Variants in ZNF813 observed in about 807,000 individuals in gnomAD.
The protein encoded by ZNF813 is zinc finger protein 813.
Under a neutral mutation model 7.2 loss-of-function variants are expected in ZNF813, and 3 were observed. The observed-to-expected ratio is 0.42, with a 90% confidence interval of 0.19 to 1.08. ZNF813 has a LOEUF of 1.08. Ranked by LOEUF, ZNF813 falls within the 50% of genes least tolerant of loss-of-function variation. The pLI is 0.30. For synonymous variants in ZNF813, 227 were observed against 256.3 expected, an observed-to-expected ratio of 0.89 and a Z score of 1.09; for missense variants, 714 against 753.3, an observed-to-expected ratio of 0.95 and a Z score of 0.61.
In ZNF813 at chr19:53,490,574, A is replaced by C; in HGVS notation, c.342A>C (p.Thr114=). The change falls in exon 4 of 4, where the codon ACA becomes ACC. Residue 114 remains threonine (T), a synonymous_variant. Transcript: ENST00000396403. ...GAAATAGCCATGAAGCACCCATGAC[A>C]GAAATCAAAAAGTTGACTGGTAGTG... ...DERNSHEAPM[T]EIKKLTGSAD... 1 of 1,614,224 alleles carries C rather than the reference A, an allele frequency of 6.2e-7. No homozygotes were observed.
chr19:53,477,849 T>G (rs10404498), intron 1 of ZNF813, among the ~76,000 whole-genome samples: 16,786 of 152,040 alleles, frequency 0.11, 1,022 homozygotes, highest in African/African-American at 0.15. Context: ...GGGGACTTTG[T>G]GTTCAGATGA....
intron 1 of ZNF813, among the ~76,000 whole-genome samples, chr19:53,478,864 T>C (rs1325407306): frequency 6.6e-6 from 1 of 151,624 alleles, no homozygotes; most frequent in African/African-American, 2.4e-5. Context: ...ATAGATTTAC[T>C]TTATTTTCTT....
Position 53,491,742 on chromosome 19 carries a change from T to G in ZNF813, c.1510T>G (p.Phe504Val). The G allele has an allele frequency of 6.4e-7, 1 of 1,572,526 alleles. No individual in the cohort carries two copies. The highest frequency in any genetic ancestry group is 8.7e-7 in the Non-Finnish European group (1 of 1,149,248). Residue 504 changes from phenylalanine (F) to valine (V), a missense_variant, in exon 4 of 4, where the codon TTT (phenylalanine) becomes GTT (valine). Physicochemically the swap from Phe to Val is conservative, Grantham distance 50 (BLOSUM62 -1). Around this residue, in one of 3 missense-constraint regions of ZNF813, gnomAD observed 122 missense variants for 146.8 expected, o/e 0.83. Coordinates refer to ENST00000396403, the MANE Select transcript of ZNF813 (RefSeq NM_001004301.4). Reference sequence around the variant, plus strand: ...CAAGTGTAATGAATGTGGCAAGGGTTTTAATCGGAAAACACACCTTGCATG... The same window carrying G: ...CAAGTGTAATGAATGTGGCAAGGGTGTTAATCGGAAAACACACCTTGCATG... ...PYKCNECGKG[F>V]NRKTHLACHH...
Position 53,490,738 on chromosome 19 carries a change from A to G in ZNF813, c.506A>G (p.Asn169Ser), listed in dbSNP as rs759859813. The G allele has an allele frequency of 5.0e-6, 8 of 1,614,094 alleles. 1 individual carries two copies. Among genetic ancestry groups the G allele is most frequent in the Non-Finnish European group, 6.8e-6 (8 of 1,180,042 alleles). The change falls in exon 4 of 4, where the codon AAC becomes AGC. Residue 169 changes from asparagine (N) to serine (S), a missense_variant. By Grantham distance (46) the Asn-to-Ser change is conservative. Coordinates refer to ENST00000396403, the MANE Select transcript of ZNF813 (RefSeq NM_001004301.4). Reference protein sequence around the residue: ...KIGNQVEKSINDASSISTSQR... With the variant: ...KIGNQVEKSISDASSISTSQR... Reference sequence around the variant, plus strand: ...GGTAATCAAGTGGAGAAGTCTATCAACGATGCTTCCTCAATTTCAACATCC... The same window carrying G: ...GGTAATCAAGTGGAGAAGTCTATCAGCGATGCTTCCTCAATTTCAACATCC...
Position 53,473,053 on chromosome 19 carries a change from T to A in ZNF813, c.-74+5264T>A, listed in dbSNP as rs139279062. On this transcript the variant is annotated intron_variant, in intron 1 of 3. Transcript: ENST00000396403. Reference sequence around the variant, plus strand: ...ATTTCTATAGTTGCTTTTTCTACCATGGTTAAGGAGGGTAGCAACAGCAAA... The same window carrying A: ...ATTTCTATAGTTGCTTTTTCTACCAAGGTTAAGGAGGGTAGCAACAGCAAA... Among the ~76,000 whole-genome samples, 1,144 of 152,266 alleles carry A rather than the reference T, an allele frequency of 7.5e-3. 7 individuals carry two copies. The highest frequency in any genetic ancestry group is 0.011 in the Non-Finnish European group (740 of 68,024).
In ZNF813 at chr19:53,491,581, G is replaced by A. The variant is rs772151033; in HGVS notation, c.1349G>A (p.Arg450Gln). 22 of 1,612,686 alleles carry A rather than the reference G, an allele frequency of 1.4e-5. No homozygotes were observed. Among genetic ancestry groups the A allele is most frequent in the South Asian group, 2.2e-5 (2 of 90,980 alleles). The change falls in exon 4 of 4, where the codon CGA becomes CAA. Residue 450 changes from arginine (R) to glutamine (Q), a missense_variant. Coordinates refer to ENST00000396403, the MANE Select transcript of ZNF813 (RefSeq NM_001004301.4). ...KCTECVKTFS[R>Q]NSALVIHKAI... ...ACTGAGTGTGTCAAGACGTTCAGTC[G>A]AAATTCAGCCCTTGTAATTCATAAG... is the stretch of plus-strand genomic sequence containing the variant.
chr19:53,488,853 CAG>C (rs971319481), intron 3 of ZNF813, among the ~76,000 whole-genome samples: 26 of 152,184 alleles, frequency 1.7e-4, no homozygotes, highest in Admixed American at 4.6e-4. Flanking sequence ...TTTTTCTTAA[CAG>C]GGAATTGTTT....
At chr19:53,480,238 C>T (rs978366344) in intron 1 of ZNF813, 2 of 751,982 alleles carry the variant, frequency 2.7e-6, no homozygotes, top group South Asian at 1.4e-5. Context: ...TCCCCTGCCT[C>T]TTTTTCACCA....
At chr19:53,474,938 CT>C (rs1270714327) in intron 1 of ZNF813, among the ~76,000 whole-genome samples, 3 of 152,116 alleles carry the variant, frequency 2.0e-5, no homozygotes, top group Non-Finnish European at 2.9e-5. Context: ...ATAGCTAAGG[CT>C]TCCTCTTTAA....
chr19:53,481,132 T>C (rs2086406270), intron 1 of ZNF813, among the ~76,000 whole-genome samples: 1 of 152,136 alleles, frequency 6.6e-6, no homozygotes. Context: ...CTTGAGATCA[T>C]GTTCTTCTAG....
intron 2 of ZNF813, among the ~76,000 whole-genome samples, chr19:53,484,752 T>C (rs2086424559): frequency 6.6e-6 from 1 of 152,160 alleles, no homozygotes; most frequent in South Asian, 2.1e-4. Context: ...TTTTTATTAG[T>C]GACGGGTATC....
intron 1 of ZNF813, among the ~76,000 whole-genome samples, chr19:53,475,082 G>A (rs999485713): frequency 3.3e-5 from 5 of 151,090 alleles, no homozygotes; most frequent in Non-Finnish European, 5.9e-5. Flanking sequence ...CTGCCTCTAA[G>A]AGCTGTAGAA....
In ZNF813 at chr19:53,488,535, A is replaced by G. The variant is rs551941859; in HGVS notation, c.142+1777A>G. ...GTGATTTTCCTGCCTCAGTCCCCCAAGTAGATGGGACTACAGGCACATGTC... is the reference window on the plus strand; with the variant it reads ...GTGATTTTCCTGCCTCAGTCCCCCAGGTAGATGGGACTACAGGCACATGTC... On this transcript the variant is annotated intron_variant, in intron 3 of 3. Transcript: ENST00000396403. Among the ~76,000 whole-genome samples the G allele has an allele frequency of 2.9e-4, 44 of 150,762 alleles. No homozygotes were observed. In the South Asian group the frequency reaches 8.2e-3, roughly 28 times the overall value.
rs1175231541 is a variant in ZNF813, at chr19:53,491,014, A to G, written c.782A>G (p.His261Arg). The change falls in exon 4 of 4, where the codon CAT becomes CGT. Residue 261 changes from histidine (H) to arginine (R), a missense_variant. By Grantham distance (29) the His-to-Arg change is conservative. Coordinates refer to ENST00000396403, the MANE Select transcript of ZNF813 (RefSeq NM_001004301.4). ...VFNRKRNLVC[H>R]RRCHTGEKPY... is the part of the protein sequence containing the mutation. ...AATCGGAAGCGAAACCTAGTGTGCC[A>G]TCGTAGATGTCACACTGGGGAGAAA... 1.2e-6 allele frequency: 2 copies of G among 1,614,068 alleles called. No individual in the cohort carries two copies. Among genetic ancestry groups the G allele is most frequent in the Non-Finnish European group, 1.7e-6 (2 of 1,180,038 alleles).
In ZNF813 at chr19:53,481,341, AT is replaced by A. The variant is rs1180229389; in HGVS notation, c.-73-2407del. ...AATGCTATTCTAAAAGCACCCATGT[AT>A]TCTTTTTTTTTTTTTTTTTTTGAGA... On this transcript the variant is annotated intron_variant, in intron 1 of 3. Transcript: ENST00000396403. Among the ~76,000 whole-genome samples the A allele has an allele frequency of 7.8e-5, 7 of 89,216 alleles. No homozygotes were observed. The South Asian group carries it at 2.5e-3, about 32-fold the overall frequency. 58.5% of individuals were successfully genotyped at this position (89,216 alleles called of 152,430 possible). A position where few individuals can be genotyped will look rare whatever the true frequency, so the allele number is the denominator to read the frequency against.
chr19:53,482,666 C>T (rs538493642), intron 1 of ZNF813, among the ~76,000 whole-genome samples: 6 of 146,718 alleles, frequency 4.1e-5, no homozygotes, highest in Admixed American at 2.7e-4. Context: ...TATCACGTTA[C>T]TCAGGTTCTA....
Position 53,492,998 on chromosome 19 carries a change from C to G in ZNF813, c.*912C>G, listed in dbSNP as rs969274894. On this transcript the variant is annotated 3_prime_UTR_variant, in exon 4 of 4. Transcript: ENST00000396403. ...TGGCAAGGTTTTCAGTCTGACTTCA[C>G]TCCTTGCAGAATATCAGAAAATTCA... 3 of 443,464 alleles carry G rather than the reference C, an allele frequency of 6.8e-6. No homozygotes were observed. The highest frequency in any genetic ancestry group is 2.7e-5 in the Admixed American group (1 of 37,528). The allele number at this position is 443,464 out of a possible 1,614,324, so 27.5% of individuals were successfully genotyped here.
At position 53,495,820 on chromosome 19, in the gene ZNF813, AAT is replaced by A. The variant is rs1440337995; in HGVS notation, c.*3737_*3738del. 1 of 155,046 alleles carries A rather than the reference AAT, an allele frequency of 6.4e-6. No homozygotes were observed. Among genetic ancestry groups the A allele is most frequent in the Non-Finnish European group, 1.4e-5 (1 of 69,700 alleles). 9.6% of individuals were successfully genotyped at this position (155,046 alleles called of 1,614,324 possible). On this transcript the variant is annotated 3_prime_UTR_variant, in exon 4 of 4. Transcript: ENST00000396403. ...AAAAAAATAAATAAATAAAAAATAAAATATGTCAAGCCCCTTCTCTTCCTGTC... is the reference window on the plus strand; with the variant it reads ...AAAAAAATAAATAAATAAAAAATAAAATGTCAAGCCCCTTCTCTTCCTGTC...
chr19:53,469,180 G>A (rs1303856677), intron 1 of ZNF813, among the ~76,000 whole-genome samples: 1 of 152,186 alleles, frequency 6.6e-6, no homozygotes, highest in Non-Finnish European at 1.5e-5. Flanking sequence ...ATGTTTCTGT[G>A]AGCACAGGGT....
Sources: gnomAD v4.1 joint callset for allele counts (sites outside exome capture counted in the v4.1 genomes callset) on GRCh38, gnomAD v4.1.1 for gene constraint, gnomAD v4.1.1 regional missense constraint, MANE v1.5 for transcripts, NCBI Gene and HGNC (gene_info 2026-07-23, HGNC 2026-07-21) for gene names.